The following DPP6 variants were observed in gnomAD, a reference collection of about 807,000 sequenced individuals.
DPP6 encodes the protein dipeptidyl peptidase like 6, also known as A-type potassium channel modulatory protein DPP6.
DPP6 carries 69 observed loss-of-function variants against 122.6 expected under a neutral mutation model. That is an observed-to-expected ratio of 0.56 (90% CI 0.46 to 0.69). DPP6 has a LOEUF of 0.69. DPP6 is among the 30% of genes least tolerant of loss of function. The pLI is 0.00. For synonymous variants in DPP6, 418 were observed against 433.1 expected, an observed-to-expected ratio of 0.97 and a Z score of 0.43; for missense variants, 928 against 1,116.9, an observed-to-expected ratio of 0.83 and a Z score of 2.41.
intron 1 of DPP6, among the ~76,000 whole-genome samples, chr7:154,196,400 G>A: frequency 6.6e-6 from 1 of 152,232 alleles, no homozygotes; most frequent in East Asian, 1.9e-4. Context: ...TGCAGCAGAA[G>A]AATCCCTTGA....
intron 1 of DPP6, among the ~76,000 whole-genome samples, chr7:154,151,719 C>G (rs1796433388): frequency 6.6e-6 from 1 of 151,904 alleles, no homozygotes; most frequent in Non-Finnish European, 1.5e-5. Flanking sequence ...CCAGTTGGGA[C>G]CACATCAGTG....
chr7:153,852,088 G>T, the DPP6 span, among the ~76,000 whole-genome samples: 2,037 of 152,148 alleles, frequency 0.013, 42 homozygotes, highest in African/African-American at 0.047. Flanking sequence ...TTTCATGGTG[G>T]CTTCTCCCTT....
At chr7:154,777,277 G>T (rs138174261) in intron 10 of DPP6, among the ~76,000 whole-genome samples, 2 of 152,158 alleles carry the variant, frequency 1.3e-5, no homozygotes, top group South Asian at 2.1e-4. Context: ...TGCCCCTTGT[G>T]GGGTGAGTGG....
At chr7:154,729,596 A>C (rs559799669) in intron 8 of DPP6, among the ~76,000 whole-genome samples, 5 of 152,326 alleles carry the variant, frequency 3.3e-5, no homozygotes, top group African/African-American at 1.2e-4. Context: ...ATATTCCTAC[A>C]AGTCCCTTTC....
Position 154,272,447 on chromosome 7 carries a change from A to G in DPP6, c.244-173767A>G, listed in dbSNP as rs145438329. 1.5e-3 allele frequency among the ~76,000 whole-genome samples: 228 copies of G among 152,328 alleles called. 1 individual carries two copies. Among genetic ancestry groups the G allele is most frequent in the Middle Eastern group, 6.8e-3 (2 of 294 alleles). On this transcript the variant is annotated intron_variant, in intron 1 of 25. Coordinates refer to ENST00000377770, the MANE Select transcript of DPP6 (RefSeq NM_130797.4). Reference sequence around the variant, plus strand: ...CATTTTGTGCACCGCCTGGATGGAAATTATATGAAGGTGGCATTACCAGTA... The same window carrying G: ...CATTTTGTGCACCGCCTGGATGGAAGTTATATGAAGGTGGCATTACCAGTA...
chr7:154,015,718 A>G (rs1360493170), intron 1 of DPP6, among the ~76,000 whole-genome samples: 1 of 151,942 alleles, frequency 6.6e-6, no homozygotes, highest in Admixed American at 6.6e-5. Flanking sequence ...TCCATGCAGT[A>G]CACCCACCTC....
In DPP6 at chr7:154,603,250, C is replaced by T. The variant is rs1174891516; in HGVS notation, c.628-34571C>T. Among the ~76,000 whole-genome samples, 4 of 120,148 alleles carry T rather than the reference C, an allele frequency of 3.3e-5. 1 individual carries two copies. The East Asian group carries it at 1.4e-3, about 43-fold the overall frequency. 78.8% of individuals were successfully genotyped at this position (120,148 alleles called of 152,430 possible). ...ATGTAATTTGTTTAGAGTTTGTGAA[C>T]TTTGCACATCTGTTTTTGGTAGTCT... On this transcript the variant is annotated intron_variant, in intron 5 of 25. Transcript: ENST00000377770.
rs182381765 is a variant in DPP6 at position 154,707,535 on chromosome 7, A to G, written c.763-20232A>G. ...AAAATGAGATGAGCCCTTGCATGCC[A>G]ACTGCTCAGCACCTCGCCAGGTCCA... On this transcript the variant is annotated intron_variant, in intron 7 of 25. Transcript: ENST00000377770. 3.0e-4 allele frequency among the ~76,000 whole-genome samples: 45 copies of G among 152,304 alleles called. No homozygotes were observed. The East Asian group carries it at 6.2e-3, about 21-fold the overall frequency.
intron 3 of DPP6, among the ~76,000 whole-genome samples, chr7:154,522,065 G>A (rs759197185): frequency 6.6e-6 from 1 of 152,012 alleles, no homozygotes; most frequent in Non-Finnish European, 1.5e-5. Context: ...CCGGGTTCAC[G>A]CCACTCTCCT....
intron 1 of DPP6, among the ~76,000 whole-genome samples, chr7:154,274,243 A>C (rs141093185): frequency 5.8e-4 from 88 of 152,328 alleles, no homozygotes; most frequent in Middle Eastern, 3.4e-3. Flanking sequence ...TCTCATTGCA[A>C]AATGGAAACC....
intron 16 of DPP6, among the ~76,000 whole-genome samples, chr7:154,822,672 G>GC (rs1321973049): frequency 6.6e-6 from 1 of 151,852 alleles, no homozygotes; most frequent in Non-Finnish European, 1.5e-5. Context: ...TCAGCCCCCC[G>GC]CCCCCAACGA....
intron 1 of DPP6, among the ~76,000 whole-genome samples, chr7:154,362,881 A>AGTTTGG (rs1811850548): frequency 6.6e-6 from 1 of 152,148 alleles, no homozygotes; most frequent in Non-Finnish European, 1.5e-5. Flanking sequence ...CATCAGCATC[A>AGTTTGG]ACTGGAGCTT....
At chr7:154,818,555 G>A (rs1273950173) in intron 16 of DPP6, among the ~76,000 whole-genome samples, 2 of 152,164 alleles carry the variant, frequency 1.3e-5, no homozygotes, top group African/African-American at 4.8e-5. Flanking sequence ...TGATAAAACT[G>A]TCTTATTAGC....
chr7:153,871,423 G>T, the DPP6 span, among the ~76,000 whole-genome samples: 1 of 152,192 alleles, frequency 6.6e-6, no homozygotes, highest in African/African-American at 2.4e-5. Context: ...AATGAGCGAG[G>T]CTCCGTGGGC....
intron 18 of DPP6, among the ~76,000 whole-genome samples, chr7:154,871,659 C>T (rs62472965): frequency 0.26 from 39,361 of 152,004 alleles, 6,426 homozygotes; most frequent in East Asian, 0.54. Flanking sequence ...GCCTCTCCGC[C>T]AGTCCCTGGG....
At chr7:154,443,631 T>C (rs548212158) in intron 1 of DPP6, among the ~76,000 whole-genome samples, 2 of 120,546 alleles carry the variant, frequency 1.7e-5, no homozygotes, top group South Asian at 4.6e-4. Context: ...TGTCGATGAA[T>C]GTGGATGGAT....
intron 8 of DPP6, among the ~76,000 whole-genome samples, chr7:154,762,533 C>T (rs112217114): frequency 6.6e-6 from 1 of 152,350 alleles, no homozygotes; most frequent in African/African-American, 2.4e-5. Flanking sequence ...CGGCCTTCCG[C>T]AGTAGTTGAA....
chr7:154,384,581 C>T (rs1350528037), intron 1 of DPP6, among the ~76,000 whole-genome samples: 1 of 152,076 alleles, frequency 6.6e-6, no homozygotes, highest in South Asian at 2.1e-4. Flanking sequence ...GTCACACTGC[C>T]TCTCTATACT....
chr7:154,165,036 A>T (rs544944961), intron 1 of DPP6, among the ~76,000 whole-genome samples: 1 of 151,644 alleles, frequency 6.6e-6, no homozygotes, highest in African/African-American at 2.4e-5. Context: ...TTTAAGTTTT[A>T]GGGTACATGT....
Sources: gnomAD v4.1 joint callset for allele counts (sites outside exome capture counted in the v4.1 genomes callset) on GRCh38, gnomAD v4.1.1 for gene constraint, MANE v1.5 for transcripts, NCBI Gene and HGNC (gene_info 2026-07-23, HGNC 2026-07-21) for gene names.